HHIP: variants seen among roughly 807,000 people sequenced by gnomAD.
HHIP encodes hedgehog-interacting protein.
A neutral mutation model predicts 74.0 loss-of-function variants in HHIP; 12 were observed. That is an observed-to-expected ratio of 0.16 (90% CI 0.10 to 0.26). The LOEUF (loss-of-function observed/expected upper bound fraction) is 0.26, where lower values mean the gene tolerates loss of function less well. Among genes scored for constraint, HHIP ranks in the 10% least tolerant of loss-of-function variants. The pLI, the probability that HHIP is intolerant of heterozygous loss-of-function variation, is 1.00. For missense variants in HHIP, 788 were observed against 845.0 expected, an observed-to-expected ratio of 0.93 and a Z score of 0.84; for synonymous variants, 309 against 311.6, an observed-to-expected ratio of 0.99 and a Z score of 0.09.
intron 4 of HHIP, among the ~76,000 whole-genome samples, chr4:144,681,489 A>G (rs1264725947): frequency 7.1e-6 from 1 of 141,548 alleles, no homozygotes; most frequent in African/African-American, 2.7e-5. Context: ...GCAGTGGCGT[A>G]ATCTCGGCTC....
intron 1 of HHIP, among the ~76,000 whole-genome samples, chr4:144,648,996 T>C (rs1305196812): frequency 6.6e-6 from 1 of 152,178 alleles, no homozygotes; most frequent in East Asian, 1.9e-4. Flanking sequence ...GGTTTATAAA[T>C]CAACAATACC....
intron 11 of HHIP, among the ~76,000 whole-genome samples, chr4:144,733,550 G>A (rs567272534): frequency 2.0e-5 from 3 of 152,084 alleles, no homozygotes; most frequent in African/African-American, 7.2e-5. Context: ...GAGTCTACAG[G>A]GCTTAATTAT....
intron 4 of HHIP, among the ~76,000 whole-genome samples, chr4:144,688,367 G>A (rs74906164): frequency 0.014 from 2,177 of 152,174 alleles, 54 homozygotes; most frequent in African/African-American, 0.048. Flanking sequence ...CGGTGCTGGT[G>A]CTTCTATAGA....
chr4:144,681,264 C>A (rs1729330560), intron 4 of HHIP, among the ~76,000 whole-genome samples: 1 of 151,914 alleles, frequency 6.6e-6, no homozygotes. Context: ...AATCTAACTG[C>A]AGAAAACATC....
intron 11 of HHIP, among the ~76,000 whole-genome samples, chr4:144,731,623 T>C (rs977379871): frequency 6.6e-6 from 1 of 152,092 alleles, no homozygotes; most frequent in African/African-American, 2.4e-5. Flanking sequence ...TTTCACCATA[T>C]TGGCCAGGCT....
Position 144,646,501 on chromosome 4 carries a change from T to C in HHIP, c.-175T>C. 1 of 616,276 alleles carries C rather than the reference T, an allele frequency of 1.6e-6. No individual in the cohort carries two copies. The highest frequency in any genetic ancestry group is 2.8e-6 in the Non-Finnish European group (1 of 355,918). 38.2% of individuals were successfully genotyped at this position (616,276 alleles called of 1,614,324 possible). A position where few individuals can be genotyped will look rare whatever the true frequency, so the allele number is the denominator to read the frequency against. ...GCATTGGACCCATCGCCGCGTCTTT[T>C]ATTTTTTGCAAAGTTGCATCGCTGT... On this transcript the variant is annotated 5_prime_UTR_variant, in exon 1 of 13. Transcript: ENST00000296575.
chr4:144,734,893 AG>A lies in HHIP; in HGVS notation c.1909+5del. ...GAGGGGGACTTCTGCAGAACTGGTTAGTATTTCTGTTTTCACCTGAAAAGGA... is the reference window on the plus strand; with the variant it reads ...GAGGGGGACTTCTGCAGAACTGGTTATATTTCTGTTTTCACCTGAAAAGGA... On this transcript the variant is annotated splice_donor_5th_base_variant and intron_variant, in intron 12 of 12. Transcript: ENST00000296575. 6.2e-7 allele frequency: 1 copy of A among 1,600,270 alleles called. No homozygotes were observed. Among genetic ancestry groups the A allele is most frequent in the Non-Finnish European group, 8.6e-7 (1 of 1,168,772 alleles).
At chr4:144,658,763 T>C in intron 2 of HHIP, 27 bp from the exon 3 acceptor site, 1 of 1,596,748 alleles carries the variant, frequency 6.3e-7, no homozygotes, top group South Asian at 1.1e-5. Flanking sequence ...TAGGTGCTTC[T>C]AATGAGTCTT....
At chr4:144,709,771 T>C (rs1354286768) in intron 7 of HHIP, among the ~76,000 whole-genome samples, 1 of 152,164 alleles carries the variant, frequency 6.6e-6, no homozygotes, top group Non-Finnish European at 1.5e-5. Flanking sequence ...CCCCTTTTAT[T>C]AATAGACTAG....
At chr4:144,731,710 G>A (rs561950621) in intron 11 of HHIP, among the ~76,000 whole-genome samples, 249 of 152,174 alleles carry the variant, frequency 1.6e-3, no homozygotes, top group Non-Finnish European at 2.6e-3. Flanking sequence ...GTGAGCCACC[G>A]TACCTGACCT....
At chr4:144,651,022 C>T (rs1728413647) in intron 1 of HHIP, 2 of 152,046 alleles carry the variant, frequency 1.3e-5, no homozygotes, top group Admixed American at 1.3e-4. Flanking sequence ...TTGTTTTGTT[C>T]TTAGTGGACT....
At chr4:144,723,826 T>C (rs898600618) in intron 11 of HHIP, among the ~76,000 whole-genome samples, 2 of 152,208 alleles carry the variant, frequency 1.3e-5, no homozygotes, top group Non-Finnish European at 2.9e-5. Flanking sequence ...ATATGCCCTA[T>C]AAAAGTCCAT....
At chr4:144,691,003 G>A (rs1463704322) in intron 4 of HHIP, among the ~76,000 whole-genome samples, 2 of 151,948 alleles carry the variant, frequency 1.3e-5, no homozygotes, top group South Asian at 2.1e-4. Flanking sequence ...CATTAATAAG[G>A]GCAGTTCTAA....
chr4:144,703,708 G>A (rs2126649626), intron 4 of HHIP, among the ~76,000 whole-genome samples: 1 of 152,260 alleles, frequency 6.6e-6, no homozygotes, highest in South Asian at 2.1e-4. Context: ...AGGCTGGGAG[G>A]TCTGGTCTGC....
Position 144,706,501 on chromosome 4 carries a change from C to T in HHIP, c.832-30C>T, listed in dbSNP as rs199960145. 8.8e-5 allele frequency: 136 copies of T among 1,547,746 alleles called. No homozygotes were observed. The East Asian group carries it at 2.8e-3, about 32-fold the overall frequency. The stretch of plus-strand genomic sequence containing the variant: ...ACAATAAAGAACATAATTAACTTTA[C>T]AATTCTTTGTGTTTTTCATTTGACT... On this transcript the variant is annotated intron_variant, in intron 4 of 12. Transcript: ENST00000296575.
chr4:144,715,527 T>A (rs1378389690), intron 10 of HHIP, 97 bp downstream of exon 10: 2 of 1,175,568 alleles, frequency 1.7e-6, no homozygotes, highest in East Asian at 4.9e-5. Flanking sequence ...TCTTATCCTC[T>A]ACTTGTTGGA....
chr4:144,727,373 C>G (rs546980220), intron 11 of HHIP, among the ~76,000 whole-genome samples: 2 of 152,206 alleles, frequency 1.3e-5, no homozygotes, highest in African/African-American at 4.8e-5. Context: ...CTGTTATTTT[C>G]GGGGTTAGGG....
At chr4:144,663,334 A>G (rs985271921) in intron 4 of HHIP, among the ~76,000 whole-genome samples, 3 of 152,182 alleles carry the variant, frequency 2.0e-5, no homozygotes, top group Non-Finnish European at 4.4e-5. Context: ...GTCAGTCAGA[A>G]TATCTGGGGT....
At chr4:144,685,621 C>G (rs769502548) in intron 4 of HHIP, 1 of 152,078 alleles carries the variant, frequency 6.6e-6, no homozygotes, top group Non-Finnish European at 1.5e-5. Flanking sequence ...TCCTTTTCAT[C>G]ATCAAGAAAA....
Sources: gnomAD v4.1 joint callset for allele counts (sites outside exome capture counted in the v4.1 genomes callset) on GRCh38, gnomAD v4.1.1 for gene constraint, MANE v1.5 for transcripts, NCBI Gene and HGNC (gene_info 2026-07-23, HGNC 2026-07-21) for gene names.